Variants in ZNF26 observed in about 807,000 individuals in gnomAD.
ZNF26 encodes zinc finger protein 26.
Under a neutral mutation model 54.9 loss-of-function variants are expected in ZNF26, and 32 were observed. The observed-to-expected ratio is 0.58, with a 90% confidence interval of 0.44 to 0.78. The LOEUF (loss-of-function observed/expected upper bound fraction) is 0.78, where lower values mean the gene tolerates loss of function less well. Ranked by LOEUF, ZNF26 falls within the 30% of genes least tolerant of loss-of-function variation. The pLI, the probability that ZNF26 is intolerant of heterozygous loss-of-function variation, is 0.00. For missense variants in ZNF26, 524 were observed against 634.0 expected (o/e 0.83, Z 1.86); for synonymous variants, 221 against 209.2 (o/e 1.06, Z -0.49).
intron 1 of ZNF26, among the ~76,000 whole-genome samples, chr12:132,996,271 C>T (rs1469128759): frequency 5.3e-5 from 8 of 152,182 alleles, no homozygotes; most frequent in African/African-American, 9.7e-5. Context: ...TCACTGGTTT[C>T]TCTTTCCCCT....
At chr12:132,994,207 G>C (rs1953025012) in intron 1 of ZNF26, among the ~76,000 whole-genome samples, 1 of 152,224 alleles carries the variant, frequency 6.6e-6, no homozygotes, top group African/African-American at 2.4e-5. Flanking sequence ...CAATTTGTCA[G>C]TTGCAGTTCA....
Position 133,018,466 on chromosome 12 carries a change from T to A in ZNF26, c.*6985T>A, listed in dbSNP as rs1021628864. 4 of 152,278 alleles carry A rather than the reference T, an allele frequency of 2.6e-5. No homozygotes were observed. Among genetic ancestry groups the A allele is most frequent in the Admixed American group, 6.5e-5 (1 of 15,280 alleles). The allele number at this position is 152,278 out of a possible 1,614,324, so 9.4% of individuals were successfully genotyped here. On this transcript the variant is annotated 3_prime_UTR_variant, in exon 4 of 4. Transcript: ENST00000328654. ...GATAAGTTAATGTGTATTTAACACT[T>A]CCTAGAACAAACACTAAAGAAATAA... is the stretch of plus-strand genomic sequence containing the variant.
In ZNF26 at chr12:132,986,531, A is replaced by C. The variant is rs1952822029; in HGVS notation, c.-310A>C. On this transcript the variant is annotated 5_prime_UTR_variant, in exon 1 of 4. Coordinates refer to ENST00000328654, the MANE Select transcript of ZNF26 (RefSeq NM_019591.4). ...GGCAGACCAGAGACTTGACCAGCTA[A>C]ACACTTCCGTCGGTCCGGGGCGTGG... The C allele has an allele frequency of 4.0e-6, 2 of 497,794 alleles. No homozygotes were observed. The highest frequency in any genetic ancestry group is 7.3e-6 in the Non-Finnish European group (2 of 273,344). 30.8% of individuals were successfully genotyped at this position (497,794 alleles called of 1,614,324 possible).
rs1474676711 is a variant in ZNF26 at position 133,014,847 on chromosome 12, T to G, written c.*3366T>G. ...AGGCGTGAGCCACCATGCCTGACCA[T>G]GATGATGGTTTTAAAAGTTAGCTGT... On this transcript the variant is annotated 3_prime_UTR_variant, in exon 4 of 4. Coordinates refer to ENST00000328654, the MANE Select transcript of ZNF26 (RefSeq NM_019591.4). 1 of 151,342 alleles carries G rather than the reference T, an allele frequency of 6.6e-6. No individual in the cohort carries two copies. Among genetic ancestry groups the G allele is most frequent in the African/African-American group, 2.4e-5 (1 of 41,208 alleles). 9.4% of individuals were successfully genotyped at this position (151,342 alleles called of 1,614,324 possible).
At position 133,019,311 on chromosome 12, in the gene ZNF26, A is replaced by C. The variant is rs1434222077; in HGVS notation, c.*7830A>C. The C allele has an allele frequency of 1.4e-5, 2 of 138,866 alleles. No homozygotes were observed. The highest frequency in any genetic ancestry group is 5.0e-5 in the African/African-American group (2 of 39,702). 8.6% of individuals were successfully genotyped at this position (138,866 alleles called of 1,614,324 possible). On this transcript the variant is annotated 3_prime_UTR_variant, in exon 4 of 4. Transcript: ENST00000328654. ...ATTTGACAAGGGGTTAATTGCCAGAATATACAGGGAGCTCAAACAACTCTA... is the reference window on the plus strand; with the variant it reads ...ATTTGACAAGGGGTTAATTGCCAGACTATACAGGGAGCTCAAACAACTCTA...
rs1478273270 is a variant in ZNF26, at chr12:132,986,893, G to C, written c.33+20G>C. 4.4e-6 allele frequency: 7 copies of C among 1,599,994 alleles called. No homozygotes were observed. The highest frequency in any genetic ancestry group is 6.0e-6 in the Non-Finnish European group (7 of 1,173,144). ...TGCTGGGTAAGTAGAGACTTTCCGT[G>C]TTTAAAATTCGACTGGATACTGAGG... On this transcript the variant is annotated intron_variant, in intron 1 of 3. Transcript: ENST00000328654.
rs1953530486 is a variant in ZNF26 at position 133,014,212 on chromosome 12, C to T, written c.*2731C>T. On this transcript the variant is annotated 3_prime_UTR_variant, in exon 4 of 4. Transcript: ENST00000328654. ...TGAGTAATGTATCAAAACTTCTCAG[C>T]ATGACAACACCCAGGGCAACGTGAC... is the stretch of plus-strand genomic sequence containing the variant. 1 of 152,220 alleles carries T rather than the reference C, an allele frequency of 6.6e-6. No homozygotes were observed. Among genetic ancestry groups the T allele is most frequent in the Admixed American group, 6.5e-5 (1 of 15,276 alleles). 9.4% of individuals were successfully genotyped at this position (152,220 alleles called of 1,614,324 possible). A position where few individuals can be genotyped will look rare whatever the true frequency, so the allele number is the denominator to read the frequency against.
In ZNF26 at chr12:133,013,427, C is replaced by G. The variant is rs1171705346; in HGVS notation, c.*1946C>G. The stretch of plus-strand genomic sequence containing the variant: ...AAAAGTTATCCTCACCCTTCCCCCC[C>G]TCAAAAAGTTATCCCTTGATAATTT... On this transcript the variant is annotated 3_prime_UTR_variant, in exon 4 of 4. Transcript: ENST00000328654. 2 of 152,902 alleles carry G rather than the reference C, an allele frequency of 1.3e-5. No homozygotes were observed. The highest frequency in any genetic ancestry group is 4.8e-5 in the African/African-American group (2 of 41,474). 9.5% of individuals were successfully genotyped at this position (152,902 alleles called of 1,614,324 possible).
Position 133,011,153 on chromosome 12 carries a change from C to G in ZNF26, c.1274C>G (p.Pro425Arg). Reference protein sequence around the residue: ...IHRRTHTGERPYECSLCERAF... With the variant: ...IHRRTHTGERRYECSLCERAF... ...AGGAGAACACACACCGGAGAGAGAC[C>G]CTATGAATGTAGTTTGTGTGAGAGA... Residue 425 changes from proline (P) to arginine (R), a missense_variant, in exon 4 of 4, where the codon CCC becomes CGC. Transcript: ENST00000328654. 6.2e-7 allele frequency: 1 copy of G among 1,614,070 alleles called. No homozygotes were observed. Among genetic ancestry groups the G allele is most frequent in the Non-Finnish European group, 8.5e-7 (1 of 1,180,012 alleles).
At chr12:133,008,913 A>G (rs1464605511) in intron 3 of ZNF26, among the ~76,000 whole-genome samples, 1 of 152,166 alleles carries the variant, frequency 6.6e-6, no homozygotes, top group Admixed American at 6.5e-5. Flanking sequence ...AGCTCCGGTC[A>G]TAGTGGAAGG....
Position 133,010,433 on chromosome 12 carries a change from G to A in ZNF26, c.554G>A (p.Cys185Tyr). ...VCSECGKAFR[C>Y]KSQLIVHLRI... ...AGTGAATGTGGGAAAGCTTTTCGTT[G>A]TAAGTCACAGCTCATTGTACATCTC... The change falls in exon 4 of 4, where the codon TGT becomes TAT. Residue 185 changes from cysteine (C) to tyrosine (Y), a missense_variant. By Grantham distance (194) the Cys-to-Tyr change is radical (BLOSUM62 -2). Coordinates refer to ENST00000328654, the MANE Select transcript of ZNF26 (RefSeq NM_019591.4). 1 of 1,613,918 alleles carries A rather than the reference G, an allele frequency of 6.2e-7. No homozygotes were observed. The highest frequency in any genetic ancestry group is 8.5e-7 in the Non-Finnish European group (1 of 1,179,978).
intron 1 of ZNF26, among the ~76,000 whole-genome samples, chr12:132,997,849 C>T (rs1446318908): frequency 1.3e-5 from 2 of 152,302 alleles, no homozygotes; most frequent in East Asian, 1.9e-4. Flanking sequence ...TAACCTGTTC[C>T]GTTAATGGGC....
chr12:132,999,121 G>A (rs10735673), intron 1 of ZNF26, among the ~76,000 whole-genome samples: 74,024 of 152,090 alleles, frequency 0.49, 19,666 homozygotes, highest in East Asian at 0.76. Flanking sequence ...AGGGACTGTC[G>A]AATCCAACAG....
Position 133,007,552 on chromosome 12 carries a change from G to A in ZNF26, c.256+20G>A, listed in dbSNP as rs1953357849. 2 of 1,581,818 alleles carry A rather than the reference G, an allele frequency of 1.3e-6. No individual in the cohort carries two copies. Among genetic ancestry groups the A allele is most frequent in the Admixed American group, 3.4e-5 (2 of 59,356 alleles). On this transcript the variant is annotated intron_variant, in intron 3 of 3. Transcript: ENST00000328654. ...GTCCAGGTGGGTGAGTGAGAAAGAG[G>A]AAGGTGGGAGGCATGGGAGTGAGCT...
chr12:133,014,074 G>C lies in ZNF26; in HGVS notation c.*2593G>C, dbSNP rs1160547783. 6.6e-6 allele frequency: 1 copy of C among 152,190 alleles called. No individual in the cohort carries two copies. Among genetic ancestry groups the C allele is most frequent in the Non-Finnish European group, 1.5e-5 (1 of 68,056 alleles). The allele number at this position is 152,190 out of a possible 1,614,324, so 9.4% of individuals were successfully genotyped here. On this transcript the variant is annotated 3_prime_UTR_variant, in exon 4 of 4. Transcript: ENST00000328654. ...TTGCAGGAGGAAGCTTATTCTGCCA[G>C]TTCCCCATGGCTTATTTTTACCAGT...
At chr12:133,004,386 T>C (rs2137245452) in intron 1 of ZNF26, 1 of 152,350 alleles carries the variant, frequency 6.6e-6, no homozygotes, top group South Asian at 2.1e-4. Flanking sequence ...AGTTCAGATG[T>C]GTTTGAATCA....
At position 132,994,464 on chromosome 12, in the gene ZNF26, T is replaced by C. The variant is rs369947512; in HGVS notation, c.33+7591T>C. Among the ~76,000 whole-genome samples the C allele has an allele frequency of 5.9e-5, 9 of 152,346 alleles. No homozygotes were observed. The East Asian group carries it at 9.6e-4, about 16-fold the overall frequency. ...TTTTTGATGATACAGTTGATTCTCT[T>C]AGAACACAATTCAGTCTCTTATAAC... On this transcript the variant is annotated intron_variant, in intron 1 of 3. Transcript: ENST00000328654.
At chr12:133,008,451 G>A (rs1953384377) in intron 3 of ZNF26, among the ~76,000 whole-genome samples, 1 of 152,026 alleles carries the variant, frequency 6.6e-6, no homozygotes, top group Admixed American at 6.6e-5. Context: ...CTCCAGACAT[G>A]TGTTAGGCCA....
rs1953469692 is a variant in ZNF26, at chr12:133,011,406, A to G, written c.1527A>G (p.Pro509=). 1 of 1,604,630 alleles carries G rather than the reference A, an allele frequency of 6.2e-7. No homozygotes were observed. The highest frequency in any genetic ancestry group is 1.1e-5 in the South Asian group (1 of 89,046). The change falls in exon 4 of 4, where the codon CCA becomes CCG. Residue 509 remains proline (P), a synonymous_variant. Coordinates refer to ENST00000328654, the MANE Select transcript of ZNF26 (RefSeq NM_019591.4). The part of the protein sequence containing the change: ...EHQRVHTGEK[P]WKCSECGKSF... ...AGAGAGTTCACACCGGAGAGAAACC[A>G]TGGAAATGCTCTGAATGTGGGAAAT...
Sources: gnomAD v4.1 joint callset for allele counts (sites outside exome capture counted in the v4.1 genomes callset) on GRCh38, gnomAD v4.1.1 for gene constraint, MANE v1.5 for transcripts, NCBI Gene and HGNC (gene_info 2026-07-23, HGNC 2026-07-21) for gene names.